Variants in HK1 observed in about 807,000 individuals in gnomAD.
HK1 encodes hexokinase 1.
Under a neutral mutation model 91.6 loss-of-function variants are expected in HK1, and 28 were observed. That is an observed-to-expected ratio of 0.31 (90% CI 0.23 to 0.42). The LOEUF is 0.42. Among genes scored for constraint, HK1 ranks in the 10% least tolerant of loss-of-function variants. The pLI, the probability that HK1 is intolerant of heterozygous loss-of-function variation, is 1.00. For missense variants in HK1, 770 were observed against 1,219.8 expected, an observed-to-expected ratio of 0.63 and a Z score of 5.49; for synonymous variants, 430 against 468.1, an observed-to-expected ratio of 0.92 and a Z score of 1.05.
upstream of HK1, among the ~76,000 whole-genome samples, chr10:69,317,812 C>T (rs1450267484): frequency 1.3e-5 from 2 of 152,220 alleles, no homozygotes; most frequent in Non-Finnish European, 2.9e-5. Context: ...TATATTTGAG[C>T]TCATTACATG....
rs1244628311 is a variant in HK1, at chr10:69,380,075, T to G, written c.1245T>G (p.Ser415=). 1 of 1,613,800 alleles carries G rather than the reference T, an allele frequency of 6.2e-7. No individual in the cohort carries two copies. The highest frequency in any genetic ancestry group is 1.3e-5 in the African/African-American group (1 of 74,920). Reference sequence around the variant, plus strand: ...GGACCACGGTTGGTGTCGACGGATCTCTTTACAAGACGCACCCACAGTGAG... The same window carrying G: ...GGACCACGGTTGGTGTCGACGGATCGCTTTACAAGACGCACCCACAGTGAG... ...RLRTTVGVDG[S]LYKTHPQYSR... The change falls in exon 9 of 18, where the codon TCT becomes TCG. Residue 415 remains serine (S), a synonymous_variant. Coordinates refer to ENST00000359426, the MANE Select transcript of HK1 (RefSeq NM_000188.3). This position sits in a 1 kb window ranked among gnomAD's most constrained non-coding sequence, Gnocchi z 4.0.
At chr10:69,390,348 C>T (rs1486611201) in intron 14 of HK1, among the ~76,000 whole-genome samples, 1 of 152,202 alleles carries the variant, frequency 6.6e-6, no homozygotes, top group Non-Finnish European at 1.5e-5. Flanking sequence ...CAGGCCCGCC[C>T]GTTTCCTGGC....
intron 4 of HK1, chr10:69,295,757 GA>G (rs1347910157): frequency 2.1e-6 from 2 of 968,958 alleles, no homozygotes; most frequent in Admixed American, 3.6e-5. Context: ...TCCCCTTTGG[GA>G]TAATGATTTT....
rs7072349 is a variant in HK1 at position 69,349,379 on chromosome 10, C to T, written c.226+5390C>T. Among the ~76,000 whole-genome samples, 927 of 152,196 alleles carry T rather than the reference C, an allele frequency of 6.1e-3. 7 individuals are homozygous for T. Among genetic ancestry groups the T allele is most frequent in the African/African-American group, 0.021 (868 of 41,532 alleles). ...AGAGTCTTTGGAAACTGCAAACCAC[C>T]GTGAGTTATGGTGCGTCATCGTCAT... On this transcript the variant is annotated intron_variant, in intron 2 of 17. Coordinates refer to ENST00000359426, the MANE Select transcript of HK1 (RefSeq NM_000188.3).
intron 2 of HK1, among the ~76,000 whole-genome samples, chr10:69,356,882 C>CAAAAAAA (rs778360296): frequency 4.8e-5 from 3 of 62,014 alleles, no homozygotes; most frequent in African/African-American, 1.9e-4. Context: ...AACTCCATCT[C>CAAAAAAA]AAAAAAAAAA....
At chr10:69,302,875 G>A (rs999735565) in intron 5 of HK1, among the ~76,000 whole-genome samples, 3 of 152,150 alleles carry the variant, frequency 2.0e-5, no homozygotes, top group Non-Finnish European at 4.4e-5. Context: ...GAGCCCATGG[G>A]AGTGGAAGGA....
intron 4 of HK1, among the ~76,000 whole-genome samples, chr10:69,367,203 CA>C (rs1849752655): frequency 6.6e-6 from 1 of 152,192 alleles, no homozygotes; most frequent in Non-Finnish European, 1.5e-5. Flanking sequence ...TGCCAGCCTT[CA>C]CCCCCTCTGG....
chr10:69,344,987 G>C (rs1475468377), intron 2 of HK1, among the ~76,000 whole-genome samples: 1 of 152,026 alleles, frequency 6.6e-6, no homozygotes, highest in Non-Finnish European at 1.5e-5. Flanking sequence ...CCCTGCTCTC[G>C]AGGCTCTTAT....
intron 2 of HK1, among the ~76,000 whole-genome samples, chr10:69,353,268 C>T (rs1030066573): frequency 1.3e-5 from 2 of 152,226 alleles, no homozygotes; most frequent in South Asian, 2.1e-4. Flanking sequence ...TTTAATCAAT[C>T]GCAACTGTGT....
At chr10:69,318,145 T>A, upstream of HK1, 1 of 985,272 alleles carries the variant, frequency 1.0e-6, no homozygotes, top group Non-Finnish European at 1.2e-6. Context: ...TGCTCTGGGG[T>A]GTCGCTTTGG....
chr10:69,385,367 A>G (rs749424049), intron 12 of HK1, among the ~76,000 whole-genome samples: 4 of 152,222 alleles, frequency 2.6e-5, no homozygotes, highest in Non-Finnish European at 5.9e-5. Flanking sequence ...GTCCAGGATC[A>G]GAGCTTGAGC....
chr10:69,384,628 G>T, intron 11 of HK1, 147 bp downstream of exon 11: 1 of 1,403,206 alleles, frequency 7.1e-7, no homozygotes, highest in Non-Finnish European at 1.0e-6. Context: ...TGCCATGCCT[G>T]GCTTGTGACA....
chr10:69,313,446 T>G (rs1016576906), upstream of HK1, among the ~76,000 whole-genome samples: 21 of 152,160 alleles, frequency 1.4e-4, no homozygotes, highest in Non-Finnish European at 2.8e-4. Flanking sequence ...ATCTAGATTT[T>G]ATTTTATTTA....
intron 1 of HK1, among the ~76,000 whole-genome samples, chr10:69,272,221 G>A (rs149999837): frequency 0.016 from 2,504 of 152,306 alleles, 59 homozygotes; most frequent in African/African-American, 0.057. Flanking sequence ...GCACTAGTGG[G>A]TTTGTTGCCC....
At position 69,379,948 on chromosome 10, in the gene HK1, A is replaced by G; in HGVS notation, c.1118A>G (p.His373Arg). ...PSDDDCVSVQ[H>R]VCTIVSFRSA... ...GATGATGACTGTGTCTCAGTCCAGC[A>G]CGTTTGCACCATTGTCTCATTTCGC... Residue 373 changes from histidine (H) to arginine (R), a missense_variant, in exon 9 of 18, where the codon CAC becomes CGC. Transcript: ENST00000359426. The G allele has an allele frequency of 6.2e-7, 1 of 1,614,178 alleles. No homozygotes were observed. Among genetic ancestry groups the G allele is most frequent in the Non-Finnish European group, 8.5e-7 (1 of 1,180,022 alleles).
At chr10:69,311,731 G>C (rs772483561), upstream of HK1, among the ~76,000 whole-genome samples, 13 of 152,074 alleles carry the variant, frequency 8.5e-5, no homozygotes, top group Non-Finnish European at 1.5e-4. Flanking sequence ...CCACCTCCTG[G>C]GTTCAAGCAA....
chr10:69,386,231 C>T, intron 12 of HK1, 92 bp from the exon 13 acceptor site: 2 of 924,542 alleles, frequency 2.2e-6, no homozygotes, highest in Non-Finnish European at 3.5e-6. Context: ...AAGCCCTCAG[C>T]AGTTGTTGAC....
chr10:69,319,811 G>A (rs746575370), intron 1 of HK1, among the ~76,000 whole-genome samples: 29 of 152,322 alleles, frequency 1.9e-4, no homozygotes, highest in Non-Finnish European at 2.9e-4. Context: ...TCCGCTGGCA[G>A]GTCTTAAAGG....
rs149862832 is a variant in HK1 at position 69,390,951 on chromosome 10, G to A, written c.2036-1174G>A. On this transcript the variant is annotated intron_variant, in intron 14 of 17. Transcript: ENST00000359426. ...CAGTGACCACAAGCTTGGATATCAT[G>A]GCAATTAAAATTGCTGTGAAAGTTG... Among the ~76,000 whole-genome samples, 479 of 152,322 alleles carry A rather than the reference G, an allele frequency of 3.1e-3. 2 individuals carry two copies. The highest frequency in any genetic ancestry group is 0.024 in the Middle Eastern group (7 of 294).
Sources: gnomAD v4.1 joint callset for allele counts (sites outside exome capture counted in the v4.1 genomes callset) on GRCh38, gnomAD v4.1.1 for gene constraint, Gnocchi (gnomAD v3.1) non-coding constraint, MANE v1.5 for transcripts, NCBI Gene and HGNC (gene_info 2026-07-23, HGNC 2026-07-21) for gene names.